KCNMA1: variants seen among roughly 807,000 people sequenced by gnomAD.
KCNMA1 encodes potassium calcium-activated channel subfamily M alpha 1.
A neutral mutation model predicts 140.0 loss-of-function variants in KCNMA1; 29 were observed. That is an observed-to-expected ratio of 0.21 (90% confidence interval 0.15 to 0.28). KCNMA1 has a LOEUF of 0.28. Among genes scored for constraint, KCNMA1 ranks in the 10% least tolerant of loss-of-function variants. KCNMA1 has a pLI of 1.00. For synonymous variants in KCNMA1, 612 were observed against 611.9 expected, an observed-to-expected ratio of 1.00 and a Z score of 0.00; for missense variants, 880 against 1,602.2, an observed-to-expected ratio of 0.55 and a Z score of 7.70.
intron 2 of KCNMA1, among the ~76,000 whole-genome samples, chr10:77,324,955 CTCTCTCTCTCTCTCTCTGTGTGTGTGTG>C (rs2083495570): frequency 9.6e-6 from 1 of 104,118 alleles, no homozygotes; most frequent in East Asian, 3.4e-4. Flanking sequence ...CTCTCTCTCT[CTCTCTCTCTCTCTCTCTGTGTGTGTGTG>C]TGTGTGTGTG....
chr10:77,426,389 C>A (rs1350404229), intron 1 of KCNMA1, among the ~76,000 whole-genome samples: 1 of 152,066 alleles, frequency 6.6e-6, no homozygotes, highest in African/African-American at 2.4e-5. Flanking sequence ...CTCATTGAAT[C>A]CTCACAACAA....
chr10:77,091,564 C>T (rs980416540), intron 9 of KCNMA1: 4 of 152,200 alleles, frequency 2.6e-5, no homozygotes, highest in Non-Finnish European at 4.4e-5. Flanking sequence ...AGTGAAGAGA[C>T]TGTATGTAGC....
chr10:77,205,435 T>A (rs33922202), intron 3 of KCNMA1, among the ~76,000 whole-genome samples: 36,383 of 152,072 alleles, frequency 0.24, 4,794 homozygotes, highest in Non-Finnish European at 0.28. Context: ...TGAATTAAAA[T>A]CTCCACATAA....
At chr10:77,583,253 C>T (rs2076352054) in intron 1 of KCNMA1, among the ~76,000 whole-genome samples, 3 of 152,310 alleles carry the variant, frequency 2.0e-5, no homozygotes, top group Middle Eastern at 3.4e-3. Flanking sequence ...CAGGTCTGAC[C>T]ACAACTAGTC....
At chr10:77,616,850 C>T (rs914915129) in intron 1 of KCNMA1, among the ~76,000 whole-genome samples, 7 of 151,134 alleles carry the variant, frequency 4.6e-5, no homozygotes, top group East Asian at 1.9e-4. Flanking sequence ...TGTTTGAGGG[C>T]GTTTTCAGTA....
intron 1 of KCNMA1, among the ~76,000 whole-genome samples, chr10:77,460,358 C>T (rs187214980): frequency 2.0e-5 from 3 of 152,276 alleles, no homozygotes; most frequent in African/African-American, 7.2e-5. Flanking sequence ...CAAAATAGAA[C>T]TACTATTCAA....
At chr10:77,014,747 G>C (rs752919385) in intron 17 of KCNMA1, among the ~76,000 whole-genome samples, 1 of 152,190 alleles carries the variant, frequency 6.6e-6, no homozygotes, top group Non-Finnish European at 1.5e-5. Context: ...AGTGAAATGA[G>C]GCAAGGGTCG....
intron 1 of KCNMA1, among the ~76,000 whole-genome samples, chr10:77,523,497 CTGGGCAATGTGCAG>C (rs2054334061): frequency 6.6e-6 from 1 of 152,194 alleles, no homozygotes; most frequent in Non-Finnish European, 1.5e-5. Context: ...ATTTGCCCAA[CTGGGCAATGTGCAG>C]GCAAGGCTGA....
At chr10:77,617,347 T>C (rs2089941702) in intron 1 of KCNMA1, among the ~76,000 whole-genome samples, 1 of 152,192 alleles carries the variant, frequency 6.6e-6, no homozygotes, top group Admixed American at 6.5e-5. Context: ...TGGGAGATGA[T>C]GCATTCAAAT....
intron 2 of KCNMA1, among the ~76,000 whole-genome samples, chr10:77,279,042 G>T (rs2067545063): frequency 6.6e-6 from 1 of 152,076 alleles, no homozygotes; most frequent in Non-Finnish European, 1.5e-5. Context: ...TTAGGTTTTT[G>T]GGGGGTGTGT....
At chr10:76,891,299 C>T (rs1208654294) in intron 26 of KCNMA1, 2 of 568,696 alleles carry the variant, frequency 3.5e-6, no homozygotes, top group Admixed American at 5.7e-5. Flanking sequence ...AGGTGTGATA[C>T]TAGAACTTAT....
chr10:76,881,897 TC>T (rs1202965112), downstream of KCNMA1, among the ~76,000 whole-genome samples: 1 of 152,054 alleles, frequency 6.6e-6, no homozygotes, highest in Non-Finnish European at 1.5e-5. Context: ...TTAGGGTTTT[TC>T]CCCTCCCAGG....
chr10:76,915,179 T>C, intron 23 of KCNMA1, 130 bp from the exon 24 acceptor site: 1 of 676,616 alleles, frequency 1.5e-6, no homozygotes, highest in Non-Finnish European at 2.7e-6. Context: ...ACAATTAGTA[T>C]TCCCGGGATA....
At chr10:77,610,791 GATA>G (rs2086560915) in intron 1 of KCNMA1, among the ~76,000 whole-genome samples, 1 of 152,210 alleles carries the variant, frequency 6.6e-6, no homozygotes, top group Non-Finnish European at 1.5e-5. Flanking sequence ...TGAAAATGTA[GATA>G]ATAATGATGG....
At chr10:77,150,450 T>G (rs1339374140) in intron 5 of KCNMA1, among the ~76,000 whole-genome samples, 5 of 152,182 alleles carry the variant, frequency 3.3e-5, no homozygotes, top group Non-Finnish European at 4.4e-5. Context: ...CATCAATAAG[T>G]CACCACATCC....
intron 2 of KCNMA1, among the ~76,000 whole-genome samples, chr10:77,293,358 G>A (rs1478374849): frequency 1.3e-5 from 2 of 152,138 alleles, no homozygotes. Context: ...ACAAGAATGG[G>A]GGGGACAACC....
downstream of KCNMA1, chr10:76,876,438 T>C (rs2032397438): frequency 6.6e-6 from 1 of 152,656 alleles, no homozygotes. Flanking sequence ...ATGCAAGCGA[T>C]AGCAGAGCTC....
intron 1 of KCNMA1, 113 bp downstream of exon 1, chr10:77,637,152 C>T: frequency 1.6e-6 from 2 of 1,250,308 alleles, no homozygotes; most frequent in Non-Finnish European, 1.1e-6. Flanking sequence ...GAGGGGAAGG[C>T]AGGCGGGGAT....
At chr10:77,601,489 T>G (rs1040048754) in intron 1 of KCNMA1, among the ~76,000 whole-genome samples, 15 of 152,194 alleles carry the variant, frequency 9.9e-5, no homozygotes, top group Non-Finnish European at 2.9e-5. Context: ...CACCATCGCC[T>G]TAGACTCGGA....
Sources: gnomAD v4.1 joint callset for allele counts (sites outside exome capture counted in the v4.1 genomes callset) on GRCh38, gnomAD v4.1.1 for gene constraint, MANE v1.5 for transcripts, NCBI Gene and HGNC (gene_info 2026-07-23, HGNC 2026-07-21) for gene names.